The following DGLUCY variants were observed in gnomAD, a reference collection of about 807,000 sequenced individuals.
The protein encoded by DGLUCY is D-glutamate cyclase, mitochondrial.
A neutral mutation model predicts 58.5 loss-of-function variants in DGLUCY; 58 were observed. The ratio of observed to expected loss-of-function variants is 0.99; its 90% CI spans 0.80 to 1.23. The LOEUF (loss-of-function observed/expected upper bound fraction) is 1.23, where lower values mean the gene tolerates loss of function less well. DGLUCY is among the 50% of genes most tolerant of loss of function. The pLI is 0.00. For missense variants in DGLUCY, 779 were observed against 784.7 expected (o/e 0.99, Z 0.09); for synonymous variants, 325 against 314.1 (o/e 1.03, Z -0.37).
intron 13 of DGLUCY, among the ~76,000 whole-genome samples, chr14:91,218,625 A>G (rs1490850459): frequency 6.6e-6 from 1 of 150,566 alleles, no homozygotes; most frequent in Non-Finnish European, 1.5e-5. Context: ...CTGGTCTTGA[A>G]CTCCTGACTT....
Position 91,195,774 on chromosome 14 carries a change from A to G in DGLUCY, c.1196-601A>G, listed in dbSNP as rs113547821. ...CAACCTCTGCCTCCCAGGTTCAAGC[A>G]ATTCTCCTGCCTCAGCCTCCCGAGT... On this transcript the variant is annotated intron_variant, in intron 9 of 13. Transcript: ENST00000256324. 6.4e-3 allele frequency among the ~76,000 whole-genome samples: 962 copies of G among 149,240 alleles called. 7 individuals are homozygous for G. The highest frequency in any genetic ancestry group is 0.019 in the South Asian group (88 of 4,754).
intron 1 of DGLUCY, among the ~76,000 whole-genome samples, chr14:91,097,589 C>T (rs1353777466): frequency 1.3e-5 from 2 of 152,092 alleles, no homozygotes; most frequent in Non-Finnish European, 2.9e-5. Context: ...AGACAGTCCC[C>T]ACAAGGCAGG....
At chr14:91,156,463 CTGTT>C (rs1458913587) in intron 1 of DGLUCY, among the ~76,000 whole-genome samples, 1 of 152,182 alleles carries the variant, frequency 6.6e-6, no homozygotes, top group Admixed American at 6.5e-5. Flanking sequence ...TACTCAGTCA[CTGTT>C]TGAGCACATC....
At chr14:91,066,525 C>T (rs1396001879) in intron 1 of DGLUCY, among the ~76,000 whole-genome samples, 1 of 152,024 alleles carries the variant, frequency 6.6e-6, no homozygotes. Context: ...TATGTGGTCT[C>T]ACCTATCCTT....
chr14:91,222,052 C>T (rs1252872776), intron 13 of DGLUCY, among the ~76,000 whole-genome samples: 1 of 152,214 alleles, frequency 6.6e-6, no homozygotes, highest in Non-Finnish European at 1.5e-5. Flanking sequence ...TACTCTCCCT[C>T]ACTTGGGTCC....
At chr14:91,209,505 C>T (rs1015929135) in intron 12 of DGLUCY, among the ~76,000 whole-genome samples, 15 of 152,004 alleles carry the variant, frequency 9.9e-5, no homozygotes, top group Non-Finnish European at 1.3e-4. Context: ...GTCAGGAGAT[C>T]GAGACCATCC....
At chr14:91,191,328 A>C (rs1165953528) in intron 9 of DGLUCY, among the ~76,000 whole-genome samples, 1 of 152,186 alleles carries the variant, frequency 6.6e-6, no homozygotes, top group Non-Finnish European at 1.5e-5. Flanking sequence ...GTTTATAGGT[A>C]CAGGGGTTCA....
upstream of DGLUCY, among the ~76,000 whole-genome samples, chr14:91,112,338 T>A (rs2044718306): frequency 6.6e-6 from 1 of 152,136 alleles, no homozygotes; most frequent in African/African-American, 2.4e-5. Context: ...CAACTACCTT[T>A]TGATTAATTC....
chr14:91,193,085 T>G (rs2140524998), intron 9 of DGLUCY, among the ~76,000 whole-genome samples: 1 of 152,078 alleles, frequency 6.6e-6, no homozygotes, highest in South Asian at 2.1e-4. Flanking sequence ...GGACCCAGGA[T>G]TGCGTCCTGG....
At chr14:91,168,057 G>A (rs1195660870) in intron 4 of DGLUCY, among the ~76,000 whole-genome samples, 1 of 152,120 alleles carries the variant, frequency 6.6e-6, no homozygotes, top group Non-Finnish European at 1.5e-5. Context: ...TTGAGCCCAG[G>A]AGTTTGAGAC....
At chr14:91,188,506 C>G (rs2049663333) in intron 8 of DGLUCY, among the ~76,000 whole-genome samples, 1 of 152,184 alleles carries the variant, frequency 6.6e-6, no homozygotes, top group Non-Finnish European at 1.5e-5. Context: ...CCAAACTACT[C>G]TTACTGTAAA....
intron 4 of DGLUCY, among the ~76,000 whole-genome samples, chr14:91,168,772 A>G (rs79777174): frequency 5.3e-5 from 8 of 152,292 alleles, no homozygotes; most frequent in East Asian, 1.9e-4. Flanking sequence ...TCACCTATCA[A>G]TTAGGGTTAC....
At chr14:91,060,807 T>C (rs61989780) in intron 1 of DGLUCY, 10,534 of 170,440 alleles carry the variant, frequency 0.062, 433 homozygotes, top group Non-Finnish European at 0.092. Flanking sequence ...TTCACGAGCC[T>C]CCCCGCCTCG....
At chr14:91,208,960 G>A (rs1395309320) in intron 12 of DGLUCY, among the ~76,000 whole-genome samples, 1 of 152,108 alleles carries the variant, frequency 6.6e-6, no homozygotes, top group African/African-American at 2.4e-5. Flanking sequence ...TAAGAAAGGA[G>A]AGAAAATAGA....
Position 91,189,043 on chromosome 14 carries a change from A to T in DGLUCY, c.1068A>T (p.Thr356=). ...TCAATCATGAGCCTCCAGAAGAGAC[A>T]GATGGCCCACCAGGAGCTGTTGCTC... ...THFNHEPPEE[T]DGPPGAVALV... is the part of the protein sequence containing the mutation. Residue 356 remains threonine (T), a synonymous_variant, in exon 9 of 14, where the codon ACA becomes ACT. Coordinates refer to ENST00000256324, the MANE Select transcript of DGLUCY (RefSeq NM_001102368.3). 3.7e-6 allele frequency: 6 copies of T among 1,614,214 alleles called. No individual in the cohort carries two copies. The highest frequency in any genetic ancestry group is 4.2e-6 in the Non-Finnish European group (5 of 1,180,036).
At chr14:91,187,147 C>T (rs2049572736) in intron 8 of DGLUCY, among the ~76,000 whole-genome samples, 1 of 151,892 alleles carries the variant, frequency 6.6e-6, no homozygotes, top group South Asian at 2.1e-4. Flanking sequence ...TTACAGGCAC[C>T]CACCACCATG....
At chr14:91,111,290 A>T (rs12881372), upstream of DGLUCY, among the ~76,000 whole-genome samples, 19,674 of 62,540 alleles carry the variant, frequency 0.31, 2,417 homozygotes, top group African/African-American at 0.45. Context: ...ATATATATAT[A>T]TTTTTTTTTG....
chr14:91,175,880 T>A, intron 6 of DGLUCY, 54 bp from the exon 7 acceptor site: 1 of 1,602,198 alleles, frequency 6.2e-7, no homozygotes, highest in Admixed American at 1.7e-5. Flanking sequence ...ACTCAACCAG[T>A]TCTAATTGGA....
At chr14:91,198,749 G>T (rs1287134077) in intron 10 of DGLUCY, among the ~76,000 whole-genome samples, 1 of 152,120 alleles carries the variant, frequency 6.6e-6, no homozygotes, top group Non-Finnish European at 1.5e-5. Context: ...TAGGTTCAGG[G>T]CTTCATGACA....
Sources: gnomAD v4.1 joint callset for allele counts (sites outside exome capture counted in the v4.1 genomes callset) on GRCh38, gnomAD v4.1.1 for gene constraint, MANE v1.5 for transcripts, NCBI Gene and HGNC (gene_info 2026-07-23, HGNC 2026-07-21) for gene names.